Variants in PCDHGB5 observed in about 807,000 individuals in gnomAD.
PCDHGB5 encodes the protein protocadherin gamma-B5.
PCDHGB5 carries 48 observed loss-of-function variants against 62.9 expected under a neutral mutation model. The ratio of observed to expected loss-of-function variants is 0.76; its 90% confidence interval spans 0.61 to 0.97. PCDHGB5 has a LOEUF of 0.97. Ranked by LOEUF, PCDHGB5 falls within the 50% of genes least tolerant of loss-of-function variation. The pLI, the probability that PCDHGB5 is intolerant of heterozygous loss-of-function variation, is 0.00. For synonymous variants in PCDHGB5, 474 were observed against 511.2 expected, an observed-to-expected ratio of 0.93 and a Z score of 0.98; for missense variants, 1,118 against 1,198.6, an observed-to-expected ratio of 0.93 and a Z score of 0.99.
At chr5:141,505,306 T>C in intron 2 of PCDHGB5, 87 bp from the exon 3 acceptor site, 4 of 1,596,550 alleles carry the variant, frequency 2.5e-6, no homozygotes, top group Non-Finnish European at 3.4e-6. Context: ...GTTAGGGTAC[T>C]AGGTTTGGGA....
In PCDHGB5 at chr5:141,485,068, T is replaced by C; in HGVS notation, c.2398-9739T>C. On this transcript the variant is annotated intron_variant, in intron 1 of 3. Transcript: ENST00000617380. The surrounding 1 kb of genome is among the most constrained non-coding windows in gnomAD (Gnocchi z 5.7). ...GGCGCCGGCCGAACCGCGCCAGAGCTGGCGCGGGGAAAGGGAGATAGGTGT... is the reference window on the plus strand; with the variant it reads ...GGCGCCGGCCGAACCGCGCCAGAGCCGGCGCGGGGAAAGGGAGATAGGTGT... 1 of 896,972 alleles carries C rather than the reference T, an allele frequency of 1.1e-6. No homozygotes were observed. The highest frequency in any genetic ancestry group is 1.6e-5 in the South Asian group (1 of 61,812). The allele number at this position is 896,972 out of a possible 1,614,324, so 55.6% of individuals were successfully genotyped here. A position where few individuals can be genotyped will look rare whatever the true frequency, so the allele number is the denominator to read the frequency against.
chr5:141,491,937 AC>A lies in PCDHGB5; in HGVS notation c.2398-2865del. ...CTGTGGGCGAGGGGAGGTGGGACCG[AC>A]CCCCACCCCTACACTCAAAAAAGGC... On this transcript the variant is annotated intron_variant, in intron 1 of 3. Transcript: ENST00000617380. This position sits in a 1 kb window ranked among gnomAD's most constrained non-coding sequence, Gnocchi z 6.9. The A allele has an allele frequency of 3.4e-6, 4 of 1,164,304 alleles. No homozygotes were observed. Among genetic ancestry groups the A allele is most frequent in the Non-Finnish European group, 4.7e-6 (4 of 858,404 alleles). The allele number at this position is 1,164,304 out of a possible 1,614,324, so 72.1% of individuals were successfully genotyped here.
chr5:141,500,403 G>GT (rs2099800018), intron 2 of PCDHGB5, among the ~76,000 whole-genome samples: 1 of 151,706 alleles, frequency 6.6e-6, no homozygotes, highest in Non-Finnish European at 1.5e-5. Context: ...TAGAGACGGG[G>GT]TTTCACCGTG....
Position 141,432,099 on chromosome 5 carries a change from A to G in PCDHGB5, c.2397+31575A>G. On this transcript the variant is annotated intron_variant, in intron 1 of 3. Transcript: ENST00000617380. This position sits in a 1 kb window ranked among gnomAD's most constrained non-coding sequence, Gnocchi z 6.0. ...TCGCTGAACGTGGCAGACACCAACG[A>G]CAACCCGCCGGTCTTCCCTCAGGCC... 6.2e-7 allele frequency: 1 copy of G among 1,614,102 alleles called. No homozygotes were observed. The highest frequency in any genetic ancestry group is 1.1e-5 in the South Asian group (1 of 91,070).
chr5:141,419,621 G>T, intron 1 of PCDHGB5: 2 of 1,612,306 alleles, frequency 1.2e-6, no homozygotes, highest in Non-Finnish European at 1.7e-6. Context: ...AGGCTACCTG[G>T]TGACCAAGGT....
intron 1 of PCDHGB5, among the ~76,000 whole-genome samples, chr5:141,443,191 A>G (rs2098371862): frequency 6.6e-6 from 1 of 152,122 alleles, no homozygotes; most frequent in Non-Finnish European, 1.5e-5. Flanking sequence ...CATTCTCTAT[A>G]GTACAAAGAG....
chr5:141,428,057 G>C (rs766786963), intron 1 of PCDHGB5: 2 of 1,609,044 alleles, frequency 1.2e-6, no homozygotes, highest in East Asian at 2.2e-5. Flanking sequence ...AGGTGGTGGC[G>C]GTGGACGCAG....
intron 3 of PCDHGB5, among the ~76,000 whole-genome samples, chr5:141,505,999 G>A (rs891447053): frequency 1.3e-5 from 2 of 152,172 alleles, no homozygotes; most frequent in African/African-American, 4.8e-5. Flanking sequence ...TTTATGCGAG[G>A]CTCCTCTTTT....
chr5:141,430,639 A>T, intron 1 of PCDHGB5: 1 of 900,712 alleles, frequency 1.1e-6, no homozygotes. Flanking sequence ...CATCCCTGGG[A>T]GTATGTGGAA....
Position 141,398,001 on chromosome 5 carries a change from A to T in PCDHGB5, c.-127A>T. 5.0e-6 allele frequency: 7 copies of T among 1,388,802 alleles called. No homozygotes were observed. The highest frequency in any genetic ancestry group is 4.4e-5 in the African/African-American group (3 of 68,836). The allele number at this position is 1,388,802 out of a possible 1,614,324, so 86.0% of individuals were successfully genotyped here. ...GCCTTTACACCGCTTCCTCCTCGGA[A>T]AAAGAATCGTTTCCTAAACTGGAAC... is the stretch of plus-strand genomic sequence containing the variant. On this transcript the variant is annotated 5_prime_UTR_variant, in exon 1 of 4. Transcript: ENST00000617380.
At position 141,511,112 on chromosome 5, in the gene PCDHGB5, G is replaced by A. The variant is rs767257788; in HGVS notation, c.2711G>A (p.Gly904Asp). The change falls in exon 4 of 4, where the codon GGC (glycine) becomes GAC (aspartate). Residue 904 changes from glycine (G) to aspartate (D), a missense_variant. Transcript: ENST00000617380. ...ACCAACGCAGCTGGCAAGCGGGATGGCAAGGCCCCAGCAGGTGGCAATGGC... is the reference window on the plus strand; with the variant it reads ...ACCAACGCAGCTGGCAAGCGGGATGACAAGGCCCCAGCAGGTGGCAATGGC... The part of the protein sequence containing the change: ...TLTNAAGKRD[G>D]KAPAGGNGNK... 1 of 1,614,232 alleles carries A rather than the reference G, an allele frequency of 6.2e-7. No individual in the cohort carries two copies.
At chr5:141,510,349 C>T (rs1461596705) in intron 3 of PCDHGB5, among the ~76,000 whole-genome samples, 1 of 148,468 alleles carries the variant, frequency 6.7e-6, no homozygotes, top group Non-Finnish European at 1.5e-5. Context: ...CACACACTTA[C>T]TAACGGAACT....
chr5:141,404,242 G>A (rs372976589), intron 1 of PCDHGB5: 30 of 1,613,344 alleles, frequency 1.9e-5, no homozygotes, highest in Non-Finnish European at 2.4e-5. Flanking sequence ...GAGGAACTCC[G>A]CCCCTGTCCA....
In PCDHGB5 at chr5:141,487,568, C is replaced by T. The variant is rs752378906; in HGVS notation, c.2398-7239C>T. Reference sequence around the variant, plus strand: ...ACCCAGTGCACCTATGGCAGGGGAGCCTGTTCGCCCAAGCTGCCCACCCTC... The same window carrying T: ...ACCCAGTGCACCTATGGCAGGGGAGTCTGTTCGCCCAAGCTGCCCACCCTC... On this transcript the variant is annotated intron_variant, in intron 1 of 3. Transcript: ENST00000617380. This position sits in a 1 kb window ranked among gnomAD's most constrained non-coding sequence, Gnocchi z 5.0. The T allele has an allele frequency of 1.2e-6, 2 of 1,614,180 alleles. No individual in the cohort carries two copies. The highest frequency in any genetic ancestry group is 1.7e-6 in the Non-Finnish European group (2 of 1,180,042).
rs1308930168 is a variant in PCDHGB5, at chr5:141,489,620, A to G, written c.2398-5187A>G. 2.5e-6 allele frequency: 4 copies of G among 1,614,058 alleles called. No individual in the cohort carries two copies. Among genetic ancestry groups the G allele is most frequent in the South Asian group, 2.2e-5 (2 of 91,072 alleles). The stretch of plus-strand genomic sequence containing the variant: ...GTAGAGGTAGAGATCCTGGATCTCA[A>G]TGACAACTCTCCTAGCTTTGCCACC... On this transcript the variant is annotated intron_variant, in intron 1 of 3. Transcript: ENST00000617380. This position sits in a 1 kb window ranked among gnomAD's most constrained non-coding sequence, Gnocchi z 4.5.
At chr5:141,435,925 A>G (rs978837252) in intron 1 of PCDHGB5, among the ~76,000 whole-genome samples, 16 of 152,166 alleles carry the variant, frequency 1.1e-4, no homozygotes, top group Non-Finnish European at 1.5e-5. Context: ...AAAATGCGGC[A>G]GTTGCTGCTT....
intron 1 of PCDHGB5, among the ~76,000 whole-genome samples, chr5:141,468,857 C>A (rs1386167428): frequency 2.0e-5 from 3 of 151,962 alleles, no homozygotes; most frequent in Non-Finnish European, 4.4e-5. Context: ...CAGAGCGAGA[C>A]TCCATCTCAA....
In PCDHGB5 at chr5:141,431,739, A is replaced by G; in HGVS notation, c.2397+31215A>G. 3.1e-6 allele frequency: 5 copies of G among 1,614,240 alleles called. No homozygotes were observed. Among genetic ancestry groups the G allele is most frequent in the Non-Finnish European group, 3.4e-6 (4 of 1,180,048 alleles). Reference sequence around the variant, plus strand: ...GTGCAAGCAATGGATAATGCAGGATATTCTGCGCGAGCCAAAGTCCTGATC... The same window carrying G: ...GTGCAAGCAATGGATAATGCAGGATGTTCTGCGCGAGCCAAAGTCCTGATC... On this transcript the variant is annotated intron_variant, in intron 1 of 3. Transcript: ENST00000617380. The surrounding 1 kb of genome is among the most constrained non-coding windows in gnomAD (Gnocchi z 4.8).
chr5:141,436,878 G>T (rs914354261), intron 1 of PCDHGB5, among the ~76,000 whole-genome samples: 1 of 152,216 alleles, frequency 6.6e-6, no homozygotes, highest in African/African-American at 2.4e-5. Context: ...GGCCATAAAA[G>T]ATGGGGGAAA....
Sources: gnomAD v4.1 joint callset for allele counts (sites outside exome capture counted in the v4.1 genomes callset) on GRCh38, gnomAD v4.1.1 for gene constraint, Gnocchi (gnomAD v3.1) non-coding constraint, MANE v1.5 for transcripts, NCBI Gene and HGNC (gene_info 2026-07-23, HGNC 2026-07-21) for gene names.